Variants in CHIC2 observed in about 807,000 individuals in gnomAD.
The protein encoded by CHIC2 is cysteine rich hydrophobic domain 2, also known as cysteine-rich hydrophobic domain-containing protein 2.
In CHIC2, 14 loss-of-function variants were observed where a neutral mutation model predicts 25.9. That is an observed-to-expected ratio of 0.54 (90% CI 0.36 to 0.85). The LOEUF is 0.85. Ranked by LOEUF, CHIC2 falls within the 40% of genes least tolerant of loss-of-function variation. The pLI is 0.01. For synonymous variants in CHIC2, 70 were observed against 72.0 expected (o/e 0.97, Z 0.14); for missense variants, 146 against 202.0 (o/e 0.72, Z 1.68).
intron 3 of CHIC2, among the ~76,000 whole-genome samples, chr4:54,045,554 G>T (rs942275861): frequency 3.9e-5 from 6 of 152,058 alleles, no homozygotes; most frequent in Non-Finnish European, 7.4e-5. Flanking sequence ...AAAACCACAT[G>T]ATTATCTCAA....
the CHIC2 span, chr4:54,086,938 A>G: frequency 5.9e-6 from 4 of 676,464 alleles, no homozygotes; most frequent in Non-Finnish European, 1.1e-5. Flanking sequence ...GAGTTCCAGA[A>G]AGCCGGGTTC....
At chr4:54,056,067 A>G (rs1345221085) in intron 1 of CHIC2, among the ~76,000 whole-genome samples, 5 of 152,198 alleles carry the variant, frequency 3.3e-5, no homozygotes, top group Non-Finnish European at 7.4e-5. Flanking sequence ...CATGTGTTAA[A>G]TTTACTCTAT....
the CHIC2 span, among the ~76,000 whole-genome samples, chr4:54,080,102 A>G: frequency 6.6e-6 from 1 of 150,484 alleles, no homozygotes; most frequent in Admixed American, 6.6e-5. Flanking sequence ...GTTAATGGAT[A>G]AAGAAAATTT....
chr4:54,050,444 A>T (rs1022823805), intron 1 of CHIC2, among the ~76,000 whole-genome samples: 1 of 152,094 alleles, frequency 6.6e-6, no homozygotes, highest in East Asian at 1.9e-4. Context: ...ATTCAAGTTT[A>T]TCTTTCCTGA....
At chr4:54,033,928 T>C (rs191324304) in intron 3 of CHIC2, among the ~76,000 whole-genome samples, 1 of 152,254 alleles carries the variant, frequency 6.6e-6, no homozygotes, top group East Asian at 1.9e-4. Context: ...GTCTTGAAAT[T>C]GGGTAGCGTT....
intron 1 of CHIC2, among the ~76,000 whole-genome samples, chr4:54,062,697 G>T (rs375292804): frequency 1.4e-4 from 22 of 152,268 alleles, no homozygotes; most frequent in African/African-American, 5.3e-4. Context: ...TCTTTGACAT[G>T]AGGAATGTAG....
chr4:54,087,171 G>C, the CHIC2 span: 2 of 738,418 alleles, frequency 2.7e-6, no homozygotes, highest in South Asian at 2.8e-5. Context: ...AGGACTCCTG[G>C]AAACAGATAT....
intron 3 of CHIC2, among the ~76,000 whole-genome samples, chr4:54,047,343 T>G (rs1418255405): frequency 6.6e-6 from 1 of 152,140 alleles, no homozygotes; most frequent in African/African-American, 2.4e-5. Flanking sequence ...TAAAGACACA[T>G]GCACACGTAT....
At position 54,064,495 on chromosome 4, in the gene CHIC2, C is replaced by T; in HGVS notation, c.-195G>A. ...GGACCGTCGCCGCCACCGCCGCCGC[C>T]ATTACCATCAGCAATAACAACAACA... is the stretch of plus-strand genomic sequence containing the variant. On this transcript the variant is annotated 5_prime_UTR_variant, in exon 1 of 6. The change abolishes an upstream ATG in the 5' untranslated region. Transcript: ENST00000263921. The surrounding 1 kb of genome is among the most constrained non-coding windows in gnomAD (Gnocchi z 4.2). 7 of 1,438,938 alleles carry T rather than the reference C, an allele frequency of 4.9e-6. No individual in the cohort carries two copies. Among genetic ancestry groups the T allele is most frequent in the Non-Finnish European group, 6.3e-6 (7 of 1,104,478 alleles). The allele number at this position is 1,438,938 out of a possible 1,614,324, so 89.1% of individuals were successfully genotyped here. A position where few individuals can be genotyped will look rare whatever the true frequency, so the allele number is the denominator to read the frequency against.
chr4:54,037,982 A>G (rs1257697387), intron 3 of CHIC2, among the ~76,000 whole-genome samples: 1 of 152,156 alleles, frequency 6.6e-6, no homozygotes, highest in Non-Finnish European at 1.5e-5. Flanking sequence ...ACTAAAAAAC[A>G]AGAGTAAATT....
chr4:54,023,318 T>A (rs897048541), intron 3 of CHIC2, among the ~76,000 whole-genome samples: 1 of 152,200 alleles, frequency 6.6e-6, no homozygotes. Flanking sequence ...CTAATACTTT[T>A]AGAGGCCCTA....
chr4:54,027,617 A>C (rs551357071), intron 3 of CHIC2, among the ~76,000 whole-genome samples: 2 of 152,296 alleles, frequency 1.3e-5, no homozygotes, highest in Admixed American at 6.5e-5. Flanking sequence ...ATTATTCTGT[A>C]TCTTATAATG....
At chr4:54,043,556 C>T (rs1408034657) in intron 3 of CHIC2, among the ~76,000 whole-genome samples, 6 of 151,886 alleles carry the variant, frequency 4.0e-5, no homozygotes, top group Non-Finnish European at 8.8e-5. Context: ...CCAAACTAAG[C>T]TTCATAAGTG....
chr4:54,035,517 T>C (rs542514255), intron 3 of CHIC2, among the ~76,000 whole-genome samples: 1 of 152,338 alleles, frequency 6.6e-6, no homozygotes, highest in East Asian at 1.9e-4. Flanking sequence ...ATTACAGGCA[T>C]ACAGTTTATA....
rs993035697 is a variant in CHIC2 at position 54,064,585 on chromosome 4, G to A, written c.-285C>T. The A allele has an allele frequency of 8.0e-7, 1 of 1,249,100 alleles. No individual in the cohort carries two copies. Among genetic ancestry groups the A allele is most frequent in the Non-Finnish European group, 1.0e-6 (1 of 994,666 alleles). The allele number at this position is 1,249,100 out of a possible 1,614,324, so 77.4% of individuals were successfully genotyped here. On this transcript the variant is annotated 5_prime_UTR_variant, in exon 1 of 6. Coordinates refer to ENST00000263921, the MANE Select transcript of CHIC2 (RefSeq NM_012110.4). The surrounding 1 kb of genome is among the most constrained non-coding windows in gnomAD (Gnocchi z 4.2). ...CACAGACGCCGCTGCCGCCGCCGCA[G>A]CAGCAGCAACTCAGGAAACCACAGC...
intron 1 of CHIC2, among the ~76,000 whole-genome samples, chr4:54,049,762 G>A (rs1716945754): frequency 2.0e-5 from 3 of 152,040 alleles, no homozygotes; most frequent in Non-Finnish European, 4.4e-5. Context: ...AGAGTGAGGA[G>A]GGGAAGAATA....
At chr4:54,045,234 G>T (rs1405393757) in intron 3 of CHIC2, among the ~76,000 whole-genome samples, 1 of 152,142 alleles carries the variant, frequency 6.6e-6, no homozygotes, top group African/African-American at 2.4e-5. Flanking sequence ...GGAGGAACTG[G>T]TACCATTCCT....
intron 3 of CHIC2, among the ~76,000 whole-genome samples, chr4:54,047,263 T>C (rs1716859334): frequency 6.6e-6 from 1 of 152,138 alleles, no homozygotes; most frequent in South Asian, 2.1e-4. Context: ...GATCTAGAAC[T>C]TGAAATACCA....
At position 54,064,573 on chromosome 4, in the gene CHIC2, G is replaced by A. The variant is rs1177747806; in HGVS notation, c.-273C>T. The A allele has an allele frequency of 1.9e-5, 24 of 1,263,252 alleles. No individual in the cohort carries two copies. In the East Asian group the frequency reaches 5.4e-4, roughly 28 times the overall value. The allele number at this position is 1,263,252 out of a possible 1,614,324, so 78.3% of individuals were successfully genotyped here. A position where few individuals can be genotyped will look rare whatever the true frequency, so the allele number is the denominator to read the frequency against. The stretch of plus-strand genomic sequence containing the variant: ...CACCTCCACAAGCACAGACGCCGCT[G>A]CCGCCGCCGCAGCAGCAGCAACTCA... On this transcript the variant is annotated 5_prime_UTR_variant, in exon 1 of 6. Transcript: ENST00000263921. This position sits in a 1 kb window ranked among gnomAD's most constrained non-coding sequence, Gnocchi z 4.2.
Sources: gnomAD v4.1 joint callset for allele counts (sites outside exome capture counted in the v4.1 genomes callset) on GRCh38, gnomAD v4.1.1 for gene constraint, Gnocchi (gnomAD v3.1) non-coding constraint, MANE v1.5 for transcripts, NCBI Gene and HGNC (gene_info 2026-07-23, HGNC 2026-07-21) for gene names.